Variants in UST observed in about 807,000 individuals in gnomAD.
UST encodes the protein chondroitin sulfate 2-O-sulfotransferase.
In UST, 21 loss-of-function variants were observed where a neutral mutation model predicts 45.6. That is an observed-to-expected ratio of 0.46 (90% CI 0.33 to 0.66). The LOEUF (loss-of-function observed/expected upper bound fraction) is 0.66, where lower values mean the gene tolerates loss of function less well. UST is among the 30% of genes least tolerant of loss of function. The pLI is 0.02. For synonymous variants in UST, 215 were observed against 200.6 expected, an observed-to-expected ratio of 1.07 and a Z score of -0.61; for missense variants, 463 against 512.4, an observed-to-expected ratio of 0.90 and a Z score of 0.93.
intron 4 of UST, among the ~76,000 whole-genome samples, chr6:148,957,552 G>A (rs1453168050): frequency 6.6e-6 from 1 of 152,128 alleles, no homozygotes; most frequent in Non-Finnish European, 1.5e-5. Context: ...TCCTGCCTCA[G>A]CCTCCCGAGT....
At chr6:148,968,572 C>A (rs1481811397) in intron 5 of UST, among the ~76,000 whole-genome samples, 1 of 152,220 alleles carries the variant, frequency 6.6e-6, no homozygotes, top group Non-Finnish European at 1.5e-5. Flanking sequence ...TGTCCAGCCT[C>A]CTTTATTTCC....
At chr6:148,988,573 C>CA (rs760248567) in intron 5 of UST, among the ~76,000 whole-genome samples, 51,860 of 86,680 alleles carry the variant, frequency 0.6, 14,897 homozygotes, top group Non-Finnish European at 0.68. Context: ...GACCCTGTCT[C>CA]AAAAAAAAAA....
At chr6:149,018,924 C>G (rs1582962103) in intron 5 of UST, among the ~76,000 whole-genome samples, 1 of 152,222 alleles carries the variant, frequency 6.6e-6, no homozygotes, top group East Asian at 1.9e-4. Context: ...ACAGAGCATG[C>G]ACTCTCTAAA....
chr6:148,912,004 C>T (rs565950701), intron 2 of UST, among the ~76,000 whole-genome samples: 10 of 152,278 alleles, frequency 6.6e-5, no homozygotes, highest in African/African-American at 2.2e-4. Flanking sequence ...CAAGACCAGC[C>T]TGATCAACAT....
At chr6:149,005,735 T>A in intron 5 of UST, 1 of 609,366 alleles carries the variant, frequency 1.6e-6, no homozygotes, top group Non-Finnish European at 2.1e-6. Flanking sequence ...CTGTGTGCAT[T>A]AATTTATGAA....
chr6:148,900,630 A>G (rs926089433), intron 2 of UST, among the ~76,000 whole-genome samples: 7 of 152,200 alleles, frequency 4.6e-5, no homozygotes, highest in Non-Finnish European at 7.3e-5. Flanking sequence ...ATATGTCTTT[A>G]TCAGCAGCAT....
intron 1 of UST, among the ~76,000 whole-genome samples, chr6:148,876,213 A>T (rs1033298690): frequency 6.6e-6 from 1 of 151,908 alleles, no homozygotes; most frequent in African/African-American, 2.4e-5. Flanking sequence ...AGAGTGGGGG[A>T]AGTGCCACAC....
chr6:149,052,911 G>T (rs555983771), intron 7 of UST, among the ~76,000 whole-genome samples: 3 of 152,240 alleles, frequency 2.0e-5, no homozygotes, highest in Non-Finnish European at 2.9e-5. Context: ...CAGCAACTTT[G>T]GTTTTCATAA....
chr6:148,990,264 C>T (rs996417825), intron 5 of UST: 4 of 338,792 alleles, frequency 1.2e-5, no homozygotes, highest in Non-Finnish European at 1.7e-5. Flanking sequence ...CCTCTTTTTG[C>T]TTGGCCATAT....
chr6:149,032,105 G>A (rs539604083), intron 7 of UST, among the ~76,000 whole-genome samples: 6 of 152,320 alleles, frequency 3.9e-5, no homozygotes, highest in Non-Finnish European at 7.4e-5. Flanking sequence ...CCAGAGGCAG[G>A]AGAAGGATCC....
intron 1 of UST, among the ~76,000 whole-genome samples, chr6:148,767,567 G>C (rs2114668021): frequency 6.6e-6 from 1 of 151,322 alleles, no homozygotes; most frequent in Non-Finnish European, 1.5e-5. Flanking sequence ...AAAGTTTCCT[G>C]ACATACAAAT....
chr6:148,850,643 G>A (rs1333004376), intron 1 of UST, among the ~76,000 whole-genome samples: 1 of 152,190 alleles, frequency 6.6e-6, no homozygotes, highest in Non-Finnish European at 1.5e-5. Flanking sequence ...AATGGATGGA[G>A]GTCTGTGAAG....
At chr6:148,921,374 G>A (rs187629577) in intron 2 of UST, among the ~76,000 whole-genome samples, 38 of 152,344 alleles carry the variant, frequency 2.5e-4, no homozygotes, top group African/African-American at 8.9e-4. Flanking sequence ...TGGAGAAGAC[G>A]TGAGTGTTTG....
In UST at chr6:148,940,334, A is replaced by T. The variant is rs568985371; in HGVS notation, c.292-945A>T. ...AAACCCTGTCTCTACCAAAAAAAAA[A>T]AAAATTACAAAAATTAGCCAGTCGT... is the stretch of plus-strand genomic sequence containing the variant. On this transcript the variant is annotated intron_variant, in intron 2 of 7. Coordinates refer to ENST00000367463, the MANE Select transcript of UST (RefSeq NM_005715.3). Among the ~76,000 whole-genome samples, 785 of 151,970 alleles carry T rather than the reference A, an allele frequency of 5.2e-3. 3 individuals are homozygous for T. The highest frequency in any genetic ancestry group is 0.017 in the African/African-American group (699 of 41,434).
At chr6:149,073,078 T>G (rs1316887291) in intron 7 of UST, among the ~76,000 whole-genome samples, 1 of 152,196 alleles carries the variant, frequency 6.6e-6, no homozygotes, top group Admixed American at 6.5e-5. Flanking sequence ...TTATTAAGCA[T>G]TAGTATAAAA....
intron 5 of UST, among the ~76,000 whole-genome samples, chr6:148,971,325 C>T (rs1045706476): frequency 2.0e-5 from 3 of 152,110 alleles, no homozygotes; most frequent in Non-Finnish European, 2.9e-5. Flanking sequence ...GTAGTAGGAG[C>T]TATTGTAGGA....
chr6:148,972,042 A>G (rs930211493), intron 5 of UST, among the ~76,000 whole-genome samples: 16 of 152,342 alleles, frequency 1.1e-4, no homozygotes, highest in Middle Eastern at 3.4e-3. Flanking sequence ...GGGAGCAATT[A>G]CAAAGACATT....
chr6:149,018,118 C>T (rs4897074), intron 5 of UST, among the ~76,000 whole-genome samples: 103,584 of 152,080 alleles, frequency 0.68, 35,776 homozygotes, highest in African/African-American at 0.78. Flanking sequence ...ACTTAATTGG[C>T]ATATAAACTG....
intron 1 of UST, among the ~76,000 whole-genome samples, chr6:148,855,399 A>G (rs1031180210): frequency 1.3e-5 from 2 of 152,158 alleles, no homozygotes; most frequent in African/African-American, 4.8e-5. Context: ...TCACTCACAG[A>G]AAGCAGGTAG....
Sources: allele counts gnomAD v4.1 joint callset (sites outside exome capture counted in the v4.1 genomes callset), GRCh38; gene constraint gnomAD v4.1.1; transcripts MANE v1.5; gene names NCBI Gene and HGNC (gene_info 2026-07-23, HGNC 2026-07-21).